Variants in GRIP1 observed in about 807,000 individuals in gnomAD.
The protein encoded by GRIP1 is glutamate receptor-interacting protein 1.
GRIP1 carries 45 observed loss-of-function variants against 129.9 expected under a neutral mutation model. That is an observed-to-expected ratio of 0.35 (90% CI 0.27 to 0.44). GRIP1 has a LOEUF of 0.44. Ranked by LOEUF, GRIP1 falls within the 20% of genes least tolerant of loss-of-function variation. The pLI, the probability that GRIP1 is intolerant of heterozygous loss-of-function variation, is 1.00. For synonymous variants in GRIP1, 530 were observed against 520.8 expected, an observed-to-expected ratio of 1.02 and a Z score of -0.24; for missense variants, 1,196 against 1,396.8, an observed-to-expected ratio of 0.86 and a Z score of 2.29.
At chr12:66,958,271 C>G (rs2041871651) in intron 1 of GRIP1, among the ~76,000 whole-genome samples, 1 of 152,108 alleles carries the variant, frequency 6.6e-6, no homozygotes, top group Non-Finnish European at 1.5e-5. Context: ...TCCTGAGTAG[C>G]TAGGAGTACA....
At chr12:66,591,041 C>T (rs902303682) in intron 2 of GRIP1, among the ~76,000 whole-genome samples, 2 of 152,176 alleles carry the variant, frequency 1.3e-5, no homozygotes, top group Non-Finnish European at 2.9e-5. Flanking sequence ...AAGCACTGTT[C>T]TATGCACTGG....
intron 23 of GRIP1, among the ~76,000 whole-genome samples, chr12:66,368,047 G>A (rs2055253195): frequency 6.6e-6 from 1 of 152,214 alleles, no homozygotes; most frequent in African/African-American, 2.4e-5. Context: ...TGAGAAGTGA[G>A]TGAAAACCCT....
intron 2 of GRIP1, among the ~76,000 whole-genome samples, chr12:66,542,799 C>T (rs1160835918): frequency 6.6e-6 from 1 of 152,172 alleles, no homozygotes; most frequent in East Asian, 1.9e-4. Flanking sequence ...GATGTTATTC[C>T]CCTATCTGCA....
rs557236016 is a variant in GRIP1, at chr12:66,543,575, A to G, written c.137-1625T>C. ...CAAAGCAAACCCCAGAAATCTCATG[A>G]AAACATACGTAGATTCAACTGATAT... On this transcript the variant is annotated intron_variant, in intron 2 of 24. Transcript: ENST00000359742. 2.6e-5 allele frequency among the ~76,000 whole-genome samples: 4 copies of G among 152,312 alleles called. No homozygotes were observed. The South Asian group carries it at 8.3e-4, about 32-fold the overall frequency.
chr12:66,719,702 G>A (rs1483455336), intron 1 of GRIP1, among the ~76,000 whole-genome samples: 1 of 152,192 alleles, frequency 6.6e-6, no homozygotes, highest in Non-Finnish European at 1.5e-5. Flanking sequence ...TTTTGGCCAT[G>A]AGGCCTTGGT....
intron 1 of GRIP1, among the ~76,000 whole-genome samples, chr12:66,886,956 A>G (rs1163754921): frequency 6.6e-6 from 1 of 152,222 alleles, no homozygotes; most frequent in Non-Finnish European, 1.5e-5. Context: ...AGTGAGAGCT[A>G]TACGAGAGGT....
In GRIP1 at chr12:66,679,007, G is replaced by T; in HGVS notation, c.-103C>A. 6.3e-7 allele frequency: 1 copy of T among 1,591,060 alleles called. No homozygotes were observed. Among genetic ancestry groups the T allele is most frequent in the Non-Finnish European group, 8.6e-7 (1 of 1,167,828 alleles). On this transcript the variant is annotated 5_prime_UTR_variant, in exon 1 of 25. Coordinates refer to ENST00000359742, the MANE Select transcript of GRIP1 (RefSeq NM_001366722.1). The stretch of plus-strand genomic sequence containing the variant: ...TTCCTTGCGCACATACCAGGAGAAA[G>T]GTAGTCCCAGTGGGGAGTGACAAAG...
intron 1 of GRIP1, among the ~76,000 whole-genome samples, chr12:66,817,243 C>CACAT (rs781019231): frequency 2.9e-4 from 38 of 132,198 alleles, no homozygotes; most frequent in African/African-American, 7.6e-4. Context: ...CACACACACA[C>CACAT]ATATATATTT....
chr12:66,635,878 G>C (rs1246476040), intron 1 of GRIP1, among the ~76,000 whole-genome samples: 1 of 152,094 alleles, frequency 6.6e-6, no homozygotes, highest in Non-Finnish European at 1.5e-5. Flanking sequence ...TAGTAATCAG[G>C]GAAATGCAAA....
intron 1 of GRIP1, among the ~76,000 whole-genome samples, chr12:66,995,395 T>C (rs11176526): frequency 0.087 from 13,235 of 151,988 alleles, 866 homozygotes; most frequent in East Asian, 0.25. Flanking sequence ...ATACCATCAA[T>C]AACGTGAAAA....
intron 1 of GRIP1, among the ~76,000 whole-genome samples, chr12:66,942,498 C>T (rs746095145): frequency 2.0e-5 from 3 of 152,186 alleles, no homozygotes; most frequent in African/African-American, 7.2e-5. Flanking sequence ...ACTTGACACA[C>T]GAACTGAACA....
rs191538378 is a variant in GRIP1, at chr12:66,989,693, C to T, written c.58+79357G>A. On this transcript the variant is annotated intron_variant, in intron 1 of 1. Coordinates refer to the GRIP1 transcript ENST00000643019. ...CTAAAGTTAAGCTTCAAATTGGCTT[C>T]GGAACAACAATAAACACTGTCACTA... Among the ~76,000 whole-genome samples the T allele has an allele frequency of 3.4e-4, 52 of 152,146 alleles. No homozygotes were observed. In the East Asian group the frequency reaches 9.1e-3, roughly 27 times the overall value.
intron 1 of GRIP1, among the ~76,000 whole-genome samples, chr12:66,819,716 T>A (rs1258465223): frequency 6.6e-6 from 1 of 152,198 alleles, no homozygotes; most frequent in East Asian, 1.9e-4. Context: ...CTAAGGAGCA[T>A]GAGCATCACT....
chr12:66,776,345 C>A (rs1031359649), intron 1 of GRIP1, among the ~76,000 whole-genome samples: 2 of 152,150 alleles, frequency 1.3e-5, no homozygotes, highest in African/African-American at 4.8e-5. Flanking sequence ...CTATTTCTAT[C>A]CTGAACACTA....
intron 19 of GRIP1, 115 bp downstream of exon 19, chr12:66,392,193 C>T (rs2137515378): frequency 1.4e-6 from 1 of 710,898 alleles, no homozygotes; most frequent in Non-Finnish European, 2.5e-6. Flanking sequence ...TATGGCTGCA[C>T]CAAAGCAGAC....
chr12:66,457,882 G>A (rs796704865), intron 9 of GRIP1, among the ~76,000 whole-genome samples: 6 of 152,200 alleles, frequency 3.9e-5, no homozygotes, highest in African/African-American at 1.4e-4. Context: ...TTCCTCATAC[G>A]TCAAATGGAG....
intron 1 of GRIP1, among the ~76,000 whole-genome samples, chr12:67,016,144 G>C (rs1861939399): frequency 1.3e-5 from 2 of 152,170 alleles, no homozygotes. Flanking sequence ...TTCTTTGAGA[G>C]AGAAAAACAC....
upstream of GRIP1, among the ~76,000 whole-genome samples, chr12:66,807,648 T>C (rs140038102): frequency 2.8e-3 from 420 of 152,110 alleles, 6 homozygotes; most frequent in African/African-American, 9.5e-3. Context: ...CACTCCAGCC[T>C]GGGCGATGGA....
intron 1 of GRIP1, among the ~76,000 whole-genome samples, chr12:66,964,999 G>C (rs1159283137): frequency 6.6e-6 from 1 of 151,956 alleles, no homozygotes; most frequent in African/African-American, 2.4e-5. Flanking sequence ...TACCCTAAAG[G>C]CTTCATTTTT....
Sources: allele counts gnomAD v4.1 joint callset (sites outside exome capture counted in the v4.1 genomes callset), GRCh38; gene constraint gnomAD v4.1.1; transcripts MANE v1.5; gene names NCBI Gene and HGNC (gene_info 2026-07-23, HGNC 2026-07-21).